CHD9: variants seen among roughly 807,000 people sequenced by gnomAD.
CHD9 encodes chromodomain helicase DNA binding protein 9, also known as ATP-dependent chromatin remodeler CHD9.
In CHD9, 77 loss-of-function variants were observed where a neutral mutation model predicts 316.1. That is an observed-to-expected ratio of 0.24 (90% CI 0.20 to 0.29). The LOEUF is 0.29. Ranked by LOEUF, CHD9 falls within the 10% of genes least tolerant of loss-of-function variation. The pLI is 1.00. For synonymous variants in CHD9, 1,129 were observed against 1,158.3 expected, an observed-to-expected ratio of 0.97 and a Z score of 0.51; for missense variants, 2,763 against 3,438.1, an observed-to-expected ratio of 0.80 and a Z score of 4.91.
Position 53,235,115 on chromosome 16 carries a change from C to A in CHD9, c.2512-70C>A, listed in dbSNP as rs183217571. 2.0e-3 allele frequency: 2,601 copies of A among 1,304,600 alleles called. 6 individuals are homozygous for A. The highest frequency in any genetic ancestry group is 2.0e-3 in the Non-Finnish European group (1,893 of 950,430). 80.8% of individuals were successfully genotyped at this position (1,304,600 alleles called of 1,614,324 possible). A position where few individuals can be genotyped will look rare whatever the true frequency, so the allele number is the denominator to read the frequency against. On this transcript the variant is annotated intron_variant, in intron 10 of 38. Transcript: ENST00000447540. ...ATGCCTCTTAGGGTTATTTTTAAAC[C>A]AATGCTTTTTGCCTTCAGTATGATA...
chr16:53,312,917 TA>T (rs1295164132), intron 34 of CHD9, among the ~76,000 whole-genome samples: 3 of 152,178 alleles, frequency 2.0e-5, no homozygotes, highest in Non-Finnish European at 4.4e-5. Context: ...TATAAACATG[TA>T]AACTATTTTA....
chr16:53,208,699 C>A, intron 2 of CHD9: 1 of 988,514 alleles, frequency 1.0e-6, no homozygotes, highest in Non-Finnish European at 1.2e-6. Context: ...TAGTCAGAGG[C>A]ATGTTTACGG....
Position 53,157,248 on chromosome 16 carries a change from G to A in CHD9, c.1159G>A (p.Glu387Lys). ...HVETNGFSSL[E>K]ENLLHQVESQ... ...AGAAACTAATGGCTTTTCATCTTTAGAAGAGAATTTACTTCATCAAGTGGA... is the reference window on the plus strand; with the variant it reads ...AGAAACTAATGGCTTTTCATCTTTAAAAGAGAATTTACTTCATCAAGTGGA... Residue 387 changes from glutamate (E) to lysine (K), a missense_variant, in exon 2 of 39, where the codon GAA (glutamate) becomes AAA (lysine). This residue lies in a region of CHD9 where 859 missense variants were observed against 890.4 expected (regional missense o/e 0.96). Coordinates refer to ENST00000447540, the MANE Select transcript of CHD9 (RefSeq NM_001308319.2). 1 of 1,600,920 alleles carries A rather than the reference G, an allele frequency of 6.2e-7. No homozygotes were observed. The highest frequency in any genetic ancestry group is 1.3e-5 in the African/African-American group (1 of 74,826).
intron 1 of CHD9, among the ~76,000 whole-genome samples, chr16:53,062,230 A>G (rs1257984759): frequency 6.6e-6 from 1 of 152,244 alleles, no homozygotes; most frequent in Non-Finnish European, 1.5e-5. Flanking sequence ...CAGGGCATTT[A>G]AGAGGCAACA....
At chr16:53,137,517 TG>T (rs1430435904) in intron 1 of CHD9, among the ~76,000 whole-genome samples, 3 of 152,210 alleles carry the variant, frequency 2.0e-5, no homozygotes, top group Non-Finnish European at 4.4e-5. Flanking sequence ...TCAAATTTGT[TG>T]TTCCAATTTC....
intron 1 of CHD9, among the ~76,000 whole-genome samples, chr16:53,131,989 T>A (rs142235012): frequency 2.2e-3 from 328 of 152,288 alleles, no homozygotes; most frequent in African/African-American, 7.5e-3. Context: ...TGCGTGGACA[T>A]CCAGCCCAAA....
chr16:53,297,418 A>G (rs1238287710), intron 30 of CHD9, among the ~76,000 whole-genome samples: 1 of 152,242 alleles, frequency 6.6e-6, no homozygotes, highest in Admixed American at 6.5e-5. Flanking sequence ...ATTTATGATT[A>G]GGAGGTGGTG....
intron 2 of CHD9, among the ~76,000 whole-genome samples, chr16:53,168,136 A>G (rs1396849192): frequency 6.6e-6 from 1 of 151,956 alleles, no homozygotes; most frequent in Non-Finnish European, 1.5e-5. Context: ...ATCTCAGCTC[A>G]TTGCAACCTC....
At chr16:53,320,546 G>A (rs1235785670) in intron 37 of CHD9, among the ~76,000 whole-genome samples, 1 of 151,860 alleles carries the variant, frequency 6.6e-6, no homozygotes, top group Non-Finnish European at 1.5e-5. Flanking sequence ...ATACTTATAG[G>A]TAATATAACT....
rs967225553 is a variant in CHD9, at chr16:53,247,321, T to C, written c.3483T>C (p.Phe1161=). 1 of 1,603,048 alleles carries C rather than the reference T, an allele frequency of 6.2e-7. No individual in the cohort carries two copies. Among genetic ancestry groups the C allele is most frequent in the Non-Finnish European group, 8.5e-7 (1 of 1,173,950 alleles). ...KGAEEKILGE[F]RDTYNPAASD... ...CTGAGGAGAAAATACTTGGAGAATT[T>C]AGAGATACTTACAATCCAGCTGCTT... The change falls in exon 16 of 39, where the codon TTT becomes TTC. Residue 1161 remains phenylalanine (F), a synonymous_variant. Transcript: ENST00000447540.
chr16:53,275,241 T>TG lies in CHD9; in HGVS notation c.4967+941dup, dbSNP rs2052698468. Among the ~76,000 whole-genome samples, 3 of 152,078 alleles carry TG rather than the reference T, an allele frequency of 2.0e-5. No individual in the cohort carries two copies. In the South Asian group the frequency reaches 6.2e-4, roughly 32 times the overall value. ...CGAGGTTTCACCATGTTGGCGAAGC[T>TG]GGTCTTGAACTCCTAACCTCAGGTG... is the stretch of plus-strand genomic sequence containing the variant. On this transcript the variant is annotated intron_variant, in intron 24 of 38. Coordinates refer to ENST00000447540, the MANE Select transcript of CHD9 (RefSeq NM_001308319.2).
intron 27 of CHD9, among the ~76,000 whole-genome samples, chr16:53,289,617 G>A (rs946965365): frequency 2.0e-5 from 3 of 152,086 alleles, no homozygotes; most frequent in African/African-American, 7.2e-5. Flanking sequence ...AATGTATAAT[G>A]TAAAGAATTA....
chr16:53,276,436 T>C (rs2052831005), intron 24 of CHD9, among the ~76,000 whole-genome samples: 3 of 152,156 alleles, frequency 2.0e-5, no homozygotes, highest in South Asian at 4.1e-4. Context: ...ATTTTGTACC[T>C]CTCTCCTCAA....
chr16:53,110,485 G>A (rs1056308317), intron 1 of CHD9, among the ~76,000 whole-genome samples: 17 of 152,326 alleles, frequency 1.1e-4, no homozygotes, highest in African/African-American at 3.4e-4. Context: ...TCATGGGCTG[G>A]CACCGTAGCT....
At chr16:53,074,563 G>A (rs1452680173) in intron 1 of CHD9, among the ~76,000 whole-genome samples, 2 of 152,216 alleles carry the variant, frequency 1.3e-5, no homozygotes, top group South Asian at 2.1e-4. Context: ...CCCATGCTGT[G>A]TGCAGTCTAG....
At chr16:53,136,380 T>C (rs2039710057) in intron 1 of CHD9, among the ~76,000 whole-genome samples, 2 of 152,196 alleles carry the variant, frequency 1.3e-5, no homozygotes, top group South Asian at 4.1e-4. Context: ...TTTTATTCTA[T>C]TGGAAATCAG....
intron 2 of CHD9, among the ~76,000 whole-genome samples, chr16:53,163,517 T>C (rs1038749944): frequency 6.6e-6 from 1 of 152,206 alleles, no homozygotes; most frequent in Non-Finnish European, 1.5e-5. Flanking sequence ...GCCAATATTT[T>C]TGAATTTTAA....
At chr16:53,165,413 T>C (rs1406714302) in intron 2 of CHD9, among the ~76,000 whole-genome samples, 5 of 152,228 alleles carry the variant, frequency 3.3e-5, no homozygotes, top group Admixed American at 3.3e-4. Context: ...TCCAGATAGA[T>C]GGAATATATT....
At chr16:53,323,709 G>T (rs1415046900) in intron 38 of CHD9, among the ~76,000 whole-genome samples, 2 of 152,048 alleles carry the variant, frequency 1.3e-5, no homozygotes, top group Non-Finnish European at 2.9e-5. Flanking sequence ...GGTTATGGAA[G>T]TACCCATGAA....
Sources: gnomAD v4.1 joint callset for allele counts (sites outside exome capture counted in the v4.1 genomes callset) on GRCh38, gnomAD v4.1.1 for gene constraint, gnomAD v4.1.1 regional missense constraint, MANE v1.5 for transcripts, NCBI Gene and HGNC (gene_info 2026-07-23, HGNC 2026-07-21) for gene names.